Variants in CEP83 observed in about 807,000 individuals in gnomAD.
The protein encoded by CEP83 is centrosomal protein 83, also known as centrosomal protein of 83 kDa.
CEP83 carries 70 observed loss-of-function variants against 101.9 expected under a neutral mutation model. The ratio of observed to expected loss-of-function variants is 0.69; its 90% CI spans 0.57 to 0.84. The LOEUF is 0.84. Among genes scored for constraint, CEP83 ranks in the 40% least tolerant of loss-of-function variants. The probability of loss-of-function intolerance (pLI) is 0.00; values close to 1 mark genes in which losing one functional copy is unlikely to be tolerated. For synonymous variants in CEP83, 264 were observed against 267.9 expected (o/e 0.99, Z 0.14); for missense variants, 715 against 787.2 (o/e 0.91, Z 1.10).
At chr12:94,441,076 T>C (rs1377280677) in intron 1 of CEP83, among the ~76,000 whole-genome samples, 1 of 152,142 alleles carries the variant, frequency 6.6e-6, no homozygotes, top group Admixed American at 6.6e-5. Context: ...ACCATAAAAA[T>C]TCTAGAAAAT....
the CEP83 span, among the ~76,000 whole-genome samples, chr12:94,277,586 C>T: frequency 1.3e-5 from 2 of 152,146 alleles, no homozygotes; most frequent in South Asian, 4.1e-4. Context: ...AGAGGTCACC[C>T]AGCTGGCTTG....
Position 94,390,388 on chromosome 12 carries a change from C to G in CEP83, c.549+10462G>C, listed in dbSNP as rs1174907524. On this transcript the variant is annotated intron_variant, in intron 6 of 16. Coordinates refer to ENST00000397809, the MANE Select transcript of CEP83 (RefSeq NM_016122.3). ...ACAGACCTGCAGCTGAGGGAACTGA[C>G]TGTTAGGAGGAAAACTAACAAACAG... 2.0e-5 allele frequency among the ~76,000 whole-genome samples: 3 copies of G among 152,284 alleles called. No individual in the cohort carries two copies. In the East Asian group the frequency reaches 5.8e-4, roughly 29 times the overall value.
rs182101272 is a variant in CEP83 at position 94,356,691 on chromosome 12, T to C, written c.1343+11103A>G. Among the ~76,000 whole-genome samples, 3 of 152,354 alleles carry C rather than the reference T, an allele frequency of 2.0e-5. No individual in the cohort carries two copies. In the East Asian group the frequency reaches 5.8e-4, roughly 29 times the overall value. On this transcript the variant is annotated intron_variant, in intron 11 of 16. Transcript: ENST00000397809. ...AGTCAATATGGACCAGGTTCTCCTT[T>C]TGTAATGGGACTGTTAAGGAATGTT... is the stretch of plus-strand genomic sequence containing the variant.
chr12:94,400,244 A>C (rs960497599), intron 6 of CEP83, among the ~76,000 whole-genome samples: 2 of 152,196 alleles, frequency 1.3e-5, no homozygotes, highest in African/African-American at 4.8e-5. Flanking sequence ...CCAATGAAAA[A>C]CAGAAACCCC....
chr12:94,265,958 T>G, the CEP83 span, among the ~76,000 whole-genome samples: 2 of 152,336 alleles, frequency 1.3e-5, no homozygotes, highest in African/African-American at 4.8e-5. Context: ...ATTAGGAATT[T>G]TCTATGCTTT....
the CEP83 span, among the ~76,000 whole-genome samples, chr12:94,286,137 C>T: frequency 2.0e-5 from 3 of 152,160 alleles, no homozygotes; most frequent in Non-Finnish European, 4.4e-5. Context: ...GAAATTAATC[C>T]GGCCTGTAGT....
At chr12:94,331,216 AG>A (rs758761303) in intron 14 of CEP83, among the ~76,000 whole-genome samples, 4 of 135,100 alleles carry the variant, frequency 3.0e-5, no homozygotes, top group Non-Finnish European at 4.7e-5. Flanking sequence ...GCTTGAACCC[AG>A]GGGATGGAGG....
At chr12:94,274,155 TAAAAAAAAAAAAAAAAA>T in the CEP83 span, among the ~76,000 whole-genome samples, 6 of 45,376 alleles carry the variant, frequency 1.3e-4, no homozygotes, top group African/African-American at 4.7e-4. Flanking sequence ...ACCCTGTCTC[TAAAAAAAAAAAAAAAAA>T]AAAAAAAAAA....
chr12:94,268,588 CTTTTT>C, the CEP83 span, among the ~76,000 whole-genome samples: 4 of 90,884 alleles, frequency 4.4e-5, no homozygotes, highest in South Asian at 4.4e-4. Flanking sequence ...AGAATAAGAC[CTTTTT>C]TTTTTTTTTT....
chr12:94,339,138 G>A (rs960777310), intron 11 of CEP83, among the ~76,000 whole-genome samples: 1 of 151,958 alleles, frequency 6.6e-6, no homozygotes, highest in Non-Finnish European at 1.5e-5. Flanking sequence ...CTAATTTTTT[G>A]TATTTTTAGT....
At chr12:94,370,070 T>C (rs747765458) in intron 8 of CEP83, 34 bp from the exon 9 acceptor site, 2 of 1,274,616 alleles carry the variant, frequency 1.6e-6, no homozygotes, top group South Asian at 1.2e-5. Flanking sequence ...TTACTATTGG[T>C]CATTTTCTTG....
At chr12:94,312,553 C>G in intron 15 of CEP83, 1 of 985,248 alleles carries the variant, frequency 1.0e-6, no homozygotes. Context: ...AATCTCCACA[C>G]CAGGAAACCA....
intron 8 of CEP83, among the ~76,000 whole-genome samples, chr12:94,371,430 A>G (rs545910943): frequency 1.4e-3 from 219 of 152,334 alleles, no homozygotes; most frequent in Non-Finnish European, 2.5e-3. Flanking sequence ...AGTATAAATC[A>G]TATAAATTCA....
chr12:94,425,885 C>T (rs2065156554), intron 2 of CEP83, among the ~76,000 whole-genome samples: 1 of 152,068 alleles, frequency 6.6e-6, no homozygotes, highest in Non-Finnish European at 1.5e-5. Flanking sequence ...CTTTGGGAGG[C>T]CAAGGTGGGC....
intron 2 of CEP83, among the ~76,000 whole-genome samples, chr12:94,432,842 T>C (rs1048647989): frequency 6.6e-6 from 1 of 152,182 alleles, no homozygotes; most frequent in Non-Finnish European, 1.5e-5. Context: ...CAAATACACA[T>C]GTACCTCATA....
In CEP83 at chr12:94,400,968, T is replaced by C. The variant is rs757820515; in HGVS notation, c.431A>G (p.Tyr144Cys). The C allele has an allele frequency of 1.8e-5, 25 of 1,413,902 alleles. No homozygotes were observed. The highest frequency in any genetic ancestry group is 2.0e-5 in the Non-Finnish European group (21 of 1,076,570). The allele number at this position is 1,413,902 out of a possible 1,614,324, so 87.6% of individuals were successfully genotyped here. A position where few individuals can be genotyped will look rare whatever the true frequency, so the allele number is the denominator to read the frequency against. ...FRNLDEEVEK[Y>C]RAVYNKLRYE... is the part of the protein sequence containing the mutation. ...GCGAAGCTTATTATATACAGCTCTA[T>C]ACTTTTCTACCTCCTAAAGGGAGAA... Residue 144 changes from tyrosine (Y) to cysteine (C), a missense_variant, in exon 6 of 17, where the codon TAT becomes TGT. Tyr to Cys is a radical substitution (Grantham distance 194). Transcript: ENST00000397809.
intron 2 of CEP83, among the ~76,000 whole-genome samples, chr12:94,425,924 T>A (rs1213068672): frequency 6.6e-6 from 1 of 151,918 alleles, no homozygotes; most frequent in East Asian, 1.9e-4. Context: ...CTTGAGACCA[T>A]CCTGGCTAAC....
chr12:94,299,142 A>AT, the CEP83 span, among the ~76,000 whole-genome samples: 2 of 152,204 alleles, frequency 1.3e-5, no homozygotes. Context: ...ATGATAAACC[A>AT]TTTTTTGTTC....
intron 1 of CEP83, among the ~76,000 whole-genome samples, chr12:94,457,123 A>C (rs1442704379): frequency 1.3e-5 from 2 of 152,174 alleles, no homozygotes; most frequent in Non-Finnish European, 2.9e-5. Context: ...TATGGAAAGG[A>C]TAAAGTACAG....
Sources: allele counts gnomAD v4.1 joint callset (sites outside exome capture counted in the v4.1 genomes callset), GRCh38; gene constraint gnomAD v4.1.1; transcripts MANE v1.5; gene names NCBI Gene and HGNC (gene_info 2026-07-23, HGNC 2026-07-21).